DTNA: variants seen among roughly 807,000 people sequenced by gnomAD.
The protein encoded by DTNA is dystrophin-related protein 3.
DTNA carries 43 observed loss-of-function variants against 100.7 expected under a neutral mutation model. That is an observed-to-expected ratio of 0.43 (90% CI 0.33 to 0.55). The LOEUF (loss-of-function observed/expected upper bound fraction) is 0.55. DTNA is among the 20% of genes least tolerant of loss of function. DTNA has a pLI of 0.04. For missense variants in DTNA, 798 were observed against 953.9 expected (o/e 0.84, Z 2.15); for synonymous variants, 349 against 347.9 (o/e 1.00, Z -0.04).
At chr18:34,831,245 C>G (rs1249847867) in intron 11 of DTNA, among the ~76,000 whole-genome samples, 1 of 152,128 alleles carries the variant, frequency 6.6e-6, no homozygotes, top group African/African-American at 2.4e-5. Context: ...CTTTTACCTC[C>G]AATTTTAGAA....
chr18:34,606,291 G>T (rs1481504562), intron 1 of DTNA, among the ~76,000 whole-genome samples: 1 of 152,042 alleles, frequency 6.6e-6, no homozygotes, highest in Non-Finnish European at 1.5e-5. Context: ...AGTCTATGTT[G>T]TCTCTTAGCT....
intron 1 of DTNA, among the ~76,000 whole-genome samples, chr18:34,647,003 C>A (rs939630256): frequency 1.6e-5 from 2 of 126,312 alleles, no homozygotes; most frequent in Non-Finnish European, 3.4e-5. Flanking sequence ...TGTGAGCCAC[C>A]GCGCCTGGCC....
intron 1 of DTNA, among the ~76,000 whole-genome samples, chr18:34,499,439 C>G (rs2039652014): frequency 6.6e-6 from 1 of 152,126 alleles, no homozygotes; most frequent in Non-Finnish European, 1.5e-5. Flanking sequence ...ACAACTAAAA[C>G]TACGATAGAC....
chr18:34,883,573 G>A (rs987565345), intron 21 of DTNA, among the ~76,000 whole-genome samples: 2 of 152,068 alleles, frequency 1.3e-5, no homozygotes, highest in East Asian at 3.9e-4. Flanking sequence ...GCCTCCCAAA[G>A]TGTTGGGATT....
At chr18:34,737,752 T>A (rs759535416) in intron 1 of DTNA, 1 of 152,160 alleles carries the variant, frequency 6.6e-6, no homozygotes, top group Non-Finnish European at 1.5e-5. Flanking sequence ...ACTCTTTGTT[T>A]CCTCCACTAT....
At chr18:34,768,772 G>A (rs1035690173) in intron 3 of DTNA, among the ~76,000 whole-genome samples, 11 of 152,168 alleles carry the variant, frequency 7.2e-5, no homozygotes, top group African/African-American at 2.7e-4. Context: ...TTGACATTGT[G>A]CTAGGTACCA....
intron 1 of DTNA, among the ~76,000 whole-genome samples, chr18:34,611,861 G>A (rs891214658): frequency 1.3e-5 from 2 of 152,188 alleles, no homozygotes; most frequent in Admixed American, 6.5e-5. Context: ...CTGGCAGAGG[G>A]GTCTCGGGCA....
Position 34,756,001 on chromosome 18 carries a change from G to C in DTNA, c.25G>C (p.Gly9Arg). The change falls in exon 2 of 23, where the codon GGA (glycine) becomes CGA (arginine). Residue 9 changes from glycine to arginine, a missense_variant. Physicochemically the swap from Gly to Arg is moderately radical, Grantham distance 125 (BLOSUM62 -2). Around this residue, in one of 6 missense-constraint regions of DTNA, gnomAD observed 197 missense variants for 215.4 expected, o/e 0.91. Coordinates refer to ENST00000444659, the MANE Select transcript of DTNA (RefSeq NM_001386795.1). The stretch of plus-strand genomic sequence containing the variant: ...AATGATTGAAGATAGTGGGAAAAGA[G>C]GAAATACCATGGCAGAAAGAAGACA... Reference protein sequence around the residue: MIEDSGKRGNTMAERRQLF... With the variant: MIEDSGKRRNTMAERRQLF... The C allele has an allele frequency of 1.9e-6, 3 of 1,613,372 alleles. No homozygotes were observed. The highest frequency in any genetic ancestry group is 2.5e-6 in the Non-Finnish European group (3 of 1,179,628).
intron 1 of DTNA, among the ~76,000 whole-genome samples, chr18:34,569,568 ATTCTAC>A (rs2047391308): frequency 1.3e-5 from 2 of 152,214 alleles, no homozygotes; most frequent in Admixed American, 6.5e-5. Context: ...ATTAGTCAGG[ATTCTAC>A]AGAGAAACAG....
intron 1 of DTNA, among the ~76,000 whole-genome samples, chr18:34,622,414 C>T (rs982462739): frequency 3.3e-5 from 5 of 152,096 alleles, no homozygotes; most frequent in Admixed American, 3.3e-4. Flanking sequence ...AAAAGTGCTA[C>T]GGTTTGGTGT....
chr18:34,851,880 C>A lies in DTNA; in HGVS notation c.1484C>A (p.Ala495Glu). The A allele has an allele frequency of 6.2e-7, 1 of 1,613,974 alleles. No individual in the cohort carries two copies. The highest frequency in any genetic ancestry group is 1.1e-5 in the South Asian group (1 of 91,078). ...CCTGACATCTCTTTCACCATCGATG[C>A]GAATAAGCAGCAAAGGCAGCTGATT... The part of the protein sequence containing the change: ...SAPDISFTID[A>E]NKQQRQLIAE... The change falls in exon 15 of 23, where the codon GCG becomes GAG. Residue 495 changes from alanine to glutamate, a missense_variant. Around this residue, in one of 6 missense-constraint regions of DTNA, gnomAD observed 159 missense variants for 201.2 expected, o/e 0.79. Transcript: ENST00000444659.
intron 3 of DTNA, among the ~76,000 whole-genome samples, chr18:34,777,964 C>G (rs563316597): frequency 6.6e-6 from 1 of 152,162 alleles, no homozygotes; most frequent in African/African-American, 2.4e-5. Flanking sequence ...AAATCTTAAC[C>G]CTCATCATTG....
At chr18:34,529,951 T>G (rs892247851) in intron 1 of DTNA, among the ~76,000 whole-genome samples, 2 of 152,164 alleles carry the variant, frequency 1.3e-5, no homozygotes, top group African/African-American at 4.8e-5. Context: ...AAATATTTTT[T>G]AATAAATGCA....
intron 1 of DTNA, among the ~76,000 whole-genome samples, chr18:34,630,122 C>T (rs751294537): frequency 3.3e-5 from 5 of 152,158 alleles, no homozygotes; most frequent in Admixed American, 6.5e-5. Flanking sequence ...TGTAAACCTA[C>T]TTGTTGAAGA....
At chr18:34,655,023 G>A (rs776135808) in intron 1 of DTNA, among the ~76,000 whole-genome samples, 5 of 152,036 alleles carry the variant, frequency 3.3e-5, no homozygotes, top group African/African-American at 7.2e-5. Flanking sequence ...CACCGTGCCC[G>A]GCCTAATTTT....
At chr18:34,525,848 A>G (rs1175949806) in intron 1 of DTNA, among the ~76,000 whole-genome samples, 1 of 152,152 alleles carries the variant, frequency 6.6e-6, no homozygotes, top group African/African-American at 2.4e-5. Flanking sequence ...ATTATCCACA[A>G]ATCTGTCTTC....
intron 1 of DTNA, among the ~76,000 whole-genome samples, chr18:34,686,552 G>T (rs1207086990): frequency 1.3e-5 from 2 of 152,112 alleles, no homozygotes; most frequent in Non-Finnish European, 2.9e-5. Context: ...GTACGTTATT[G>T]AAGATTTTTG....
intron 3 of DTNA, among the ~76,000 whole-genome samples, chr18:34,788,709 A>G (rs1466602868): frequency 3.9e-5 from 6 of 152,334 alleles, no homozygotes; most frequent in African/African-American, 1.2e-4. Context: ...CTCAAAATTT[A>G]TGACAACAAA....
chr18:34,517,765 C>A lies in DTNA; in HGVS notation c.-2+24251C>A, dbSNP rs1400626406. ...TTTCATTGAGTTCTAGCCACCTTAC[C>A]CCCTGTGTCCATAGTTCATTCCTTT... is the stretch of plus-strand genomic sequence containing the variant. On this transcript the variant is annotated intron_variant, in intron 1 of 19. Coordinates refer to the DTNA transcript ENST00000283365. Among the ~76,000 whole-genome samples, 3 of 151,622 alleles carry A rather than the reference C, an allele frequency of 2.0e-5. No homozygotes were observed. The East Asian group carries it at 5.8e-4, about 29-fold the overall frequency.
Sources: allele counts gnomAD v4.1 joint callset (sites outside exome capture counted in the v4.1 genomes callset), GRCh38; gene constraint gnomAD v4.1.1; regional missense constraint gnomAD v4.1.1; transcripts MANE v1.5; gene names NCBI Gene and HGNC (gene_info 2026-07-23, HGNC 2026-07-21).